MT4: variants seen among roughly 807,000 people sequenced by gnomAD.
The protein encoded by MT4 is metallothionein-4.
In MT4, 11 loss-of-function variants were observed where a neutral mutation model predicts 9.5. The observed-to-expected ratio is 1.16, with a 90% CI of 0.73 to 1.92. MT4 has a LOEUF of 1.92. Ranked by LOEUF, MT4 falls within the 30% of genes most tolerant of loss-of-function variation. MT4 has a pLI of 0.00. For synonymous variants in MT4, 29 were observed against 24.6 expected (o/e 1.18, Z -0.53); for missense variants, 88 against 78.7 (o/e 1.12, Z -0.45).
chr16:56,568,791 G>A, intron 2 of MT4, 50 bp from the exon 3 acceptor site: 1 of 1,315,978 alleles, frequency 7.6e-7, no homozygotes, highest in Non-Finnish European at 1.1e-6. Context: ...GCAGTGGTGA[G>A]ATGGAAGTGT....
Position 56,565,079 on chromosome 16 carries a change from C to T in MT4, c.-50C>T. On this transcript the variant is annotated 5_prime_UTR_variant, in exon 1 of 3. Transcript: ENST00000219162. ...GAGCCTCTGGCTGCTGCTCACTCAGCCTCCCTTCCCCAGCCGTGACAGCAC... is the reference window on the plus strand; with the variant it reads ...GAGCCTCTGGCTGCTGCTCACTCAGTCTCCCTTCCCCAGCCGTGACAGCAC... 6.2e-7 allele frequency: 1 copy of T among 1,610,578 alleles called. No homozygotes were observed. Among genetic ancestry groups the T allele is most frequent in the Non-Finnish European group, 8.5e-7 (1 of 1,177,796 alleles).
At chr16:56,568,327 A>AAGAAAGAAAGAAAGAG (rs1273931112) in intron 2 of MT4, among the ~76,000 whole-genome samples, 19 of 148,644 alleles carry the variant, frequency 1.3e-4, no homozygotes, top group African/African-American at 4.6e-4. Flanking sequence ...GAAAGAAAGA[A>AAGAAAGAAAGAAAGAG]AGAAAGAAAG....
chr16:56,568,290 A>AAAG (rs1567330694), intron 2 of MT4, among the ~76,000 whole-genome samples: 5 of 143,056 alleles, frequency 3.5e-5, no homozygotes, highest in African/African-American at 1.4e-4. Flanking sequence ...AGAAAGAAAG[A>AAAG]AAGAAAGAAA....
At chr16:56,567,304 G>A (rs921227687) in intron 1 of MT4, among the ~76,000 whole-genome samples, 8 of 152,058 alleles carry the variant, frequency 5.3e-5, no homozygotes, top group Middle Eastern at 3.2e-3. Context: ...GATTACAGAC[G>A]TGAGCCACTG....
At chr16:56,568,704 T>C (rs396230) in intron 2 of MT4, 137 bp from the exon 3 acceptor site, 112,463 of 581,374 alleles carry the variant, frequency 0.19, 11,929 homozygotes, top group African/African-American at 0.32. Flanking sequence ...ACCTCCTATC[T>C]CAGCATTTTT....
chr16:56,566,797 A>AAGGAAGGAAGGAAGGAAG (rs1567329962), intron 1 of MT4, among the ~76,000 whole-genome samples: 1 of 44,650 alleles, frequency 2.2e-5, no homozygotes, highest in Non-Finnish European at 5.7e-5. Flanking sequence ...AAAGAAAGAA[A>AAGGAAGGAAGGAAGGAAG]GAAAGAAAGA....
chr16:56,566,796 A>AGG (rs1339422436), intron 1 of MT4, among the ~76,000 whole-genome samples: 5 of 44,142 alleles, frequency 1.1e-4, no homozygotes, highest in East Asian at 5.5e-4. Context: ...GAAAGAAAGA[A>AGG]AGAAAGAAAG....
chr16:56,568,371 T>G (rs1210430478), intron 2 of MT4, among the ~76,000 whole-genome samples: 2 of 151,530 alleles, frequency 1.3e-5, no homozygotes, highest in Non-Finnish European at 2.9e-5. Context: ...CCAGCCATGG[T>G]GGATTGGGGC....
At chr16:56,566,700 GA>G (rs1959523437) in intron 1 of MT4, among the ~76,000 whole-genome samples, 2 of 73,416 alleles carry the variant, frequency 2.7e-5, no homozygotes, top group Admixed American at 3.3e-4. Flanking sequence ...AAGAAAGAAA[GA>G]GAAAGAAAGA....
At chr16:56,568,127 T>C (rs1213987996) in intron 2 of MT4, among the ~76,000 whole-genome samples, 2 of 147,864 alleles carry the variant, frequency 1.4e-5, no homozygotes, top group Admixed American at 1.4e-4. Context: ...CACTCCAGCC[T>C]TGGTGACAAG....
intron 2 of MT4, among the ~76,000 whole-genome samples, chr16:56,568,215 GAAAGAAAGAAAGAAAGAAAGAAAGAA>G (rs1418765079): frequency 5.5e-4 from 13 of 23,726 alleles, no homozygotes; most frequent in Non-Finnish European, 1.0e-3. Flanking sequence ...GAGAGAGAGA[GAAAGAAAGAAAGAAAGAAAGAAAGAA>G]AGAAAGAAAG....
chr16:56,568,273 GAAAGAAAGAAAGAAAGAAAGAA>G (rs1398985068), intron 2 of MT4, among the ~76,000 whole-genome samples: 8 of 99,128 alleles, frequency 8.1e-5, no homozygotes, highest in African/African-American at 2.7e-4. Context: ...GAGAGAGAGA[GAAAGAAAGAAAGAAAGAAAGAA>G]AGAAAGAAAG....
chr16:56,568,738 G>A (rs1300710260), intron 2 of MT4, 103 bp from the exon 3 acceptor site: 2 of 776,106 alleles, frequency 2.6e-6, no homozygotes, highest in Non-Finnish European at 2.0e-6. Flanking sequence ...GAAACCTCAT[G>A]CACACACCCC....
At chr16:56,568,031 TA>T (rs1959559476) in intron 2 of MT4, among the ~76,000 whole-genome samples, 1 of 151,658 alleles carries the variant, frequency 6.6e-6, no homozygotes, top group Non-Finnish European at 1.5e-5. Flanking sequence ...TGGGCACCTG[TA>T]ATCCCAGCTA....
At chr16:56,568,608 T>C (rs1212417233) in intron 2 of MT4, among the ~76,000 whole-genome samples, 1 of 152,204 alleles carries the variant, frequency 6.6e-6, no homozygotes, top group African/African-American at 2.4e-5. Context: ...CACTGTCTCA[T>C]GACCTTGGCA....
intron 1 of MT4, among the ~76,000 whole-genome samples, 156 bp from the exon 2 acceptor site, chr16:56,567,595 C>T (rs1180147559): frequency 3.3e-5 from 5 of 152,282 alleles, no homozygotes; most frequent in Middle Eastern, 3.4e-3. Flanking sequence ...GTCCTTGACA[C>T]TGGGTCGATG....
intron 1 of MT4, 104 bp from the exon 2 acceptor site, chr16:56,567,647 G>C: frequency 1.9e-6 from 2 of 1,054,168 alleles, no homozygotes; most frequent in South Asian, 2.6e-5. Flanking sequence ...AGTCCCCAAG[G>C]ATATAGCCCA....
At chr16:56,568,155 A>C (rs1959560758) in intron 2 of MT4, among the ~76,000 whole-genome samples, 1 of 149,790 alleles carries the variant, frequency 6.7e-6, no homozygotes, top group Non-Finnish European at 1.5e-5. Flanking sequence ...CTCAGTCAAA[A>C]AAGAAAAGGA....
At chr16:56,568,281 G>GA (rs1959577075) in intron 2 of MT4, among the ~76,000 whole-genome samples, 2 of 125,382 alleles carry the variant, frequency 1.6e-5, no homozygotes, top group Non-Finnish European at 1.6e-5. Flanking sequence ...GAGAAAGAAA[G>GA]AAAGAAAGAA....
Sources: allele counts gnomAD v4.1 joint callset (sites outside exome capture counted in the v4.1 genomes callset), GRCh38; gene constraint gnomAD v4.1.1; transcripts MANE v1.5; gene names NCBI Gene and HGNC (gene_info 2026-07-23, HGNC 2026-07-21).